The following PCDHGA9 variants were observed in gnomAD, a reference collection of about 807,000 sequenced individuals.
The protein encoded by PCDHGA9 is protocadherin gamma-A9.
Under a neutral mutation model 62.5 loss-of-function variants are expected in PCDHGA9, and 37 were observed. The ratio of observed to expected loss-of-function variants is 0.59; its 90% CI spans 0.46 to 0.78. The LOEUF is 0.78. Among genes scored for constraint, PCDHGA9 ranks in the 30% least tolerant of loss-of-function variants. The pLI is 0.00. For missense variants in PCDHGA9, 1,138 were observed against 1,166.2 expected, an observed-to-expected ratio of 0.98 and a Z score of 0.35; for synonymous variants, 459 against 484.6, an observed-to-expected ratio of 0.95 and a Z score of 0.69.
At chr5:141,479,671 G>A (rs1484965995) in intron 1 of PCDHGA9, 1 of 152,196 alleles carries the variant, frequency 6.6e-6, no homozygotes, top group Non-Finnish European at 1.5e-5. Flanking sequence ...AACTACAAAA[G>A]GAGAGTCTTT....
At chr5:141,462,387 A>G (rs781355919) in intron 1 of PCDHGA9, among the ~76,000 whole-genome samples, 13 of 152,178 alleles carry the variant, frequency 8.5e-5, no homozygotes, top group Non-Finnish European at 1.3e-4. Context: ...AAATTCGTTA[A>G]CATTTCTTTT....
chr5:141,407,123 C>T (rs1271155338), intron 1 of PCDHGA9, among the ~76,000 whole-genome samples: 2 of 152,078 alleles, frequency 1.3e-5, no homozygotes, highest in East Asian at 3.8e-4. Context: ...GTTTCAGTTG[C>T]TTTATTTTTA....
rs1480686339 is a variant in PCDHGA9, at chr5:141,415,643, A to G, written c.2424+10267A>G. ...TTTATTTTCATTTTTACTTTTGTTA[A>G]AAAAAAAAAGATTGGTTTTTACTTT... is the stretch of plus-strand genomic sequence containing the variant. On this transcript the variant is annotated intron_variant, in intron 1 of 3. Transcript: ENST00000573521. The G allele has an allele frequency of 5.1e-6, 8 of 1,571,752 alleles. No individual in the cohort carries two copies. In the South Asian group the frequency reaches 9.1e-5, roughly 18 times the overall value.
intron 1 of PCDHGA9, chr5:141,418,451 A>AG (rs2096259161): frequency 3.1e-6 from 5 of 1,614,046 alleles, no homozygotes; most frequent in Non-Finnish European, 4.2e-6. Context: ...AGTATTGCAG[A>AG]AGACTCTGGA....
chr5:141,505,277 G>A, intron 2 of PCDHGA9, 116 bp from the exon 3 acceptor site: 1 of 1,539,958 alleles, frequency 6.5e-7, no homozygotes, highest in African/African-American at 1.4e-5. Context: ...AGAGAAACAG[G>A]TCTTGGGCAT....
intron 1 of PCDHGA9, among the ~76,000 whole-genome samples, chr5:141,467,854 T>C (rs1337373000): frequency 6.6e-6 from 1 of 151,968 alleles, no homozygotes; most frequent in Admixed American, 6.6e-5. Flanking sequence ...GAATGAGATT[T>C]CACCATGTTG....
chr5:141,418,883 G>A (rs376245268), intron 1 of PCDHGA9: 5 of 1,613,960 alleles, frequency 3.1e-6, no homozygotes, highest in East Asian at 2.2e-5. Flanking sequence ...AGACGAAAAC[G>A]ACAACAGCCC....
chr5:141,477,775 G>T lies in PCDHGA9; in HGVS notation c.2425-17032G>T. 2 of 1,614,046 alleles carry T rather than the reference G, an allele frequency of 1.2e-6. No individual in the cohort carries two copies. The highest frequency in any genetic ancestry group is 2.7e-5 in the African/African-American group (2 of 75,052). On this transcript the variant is annotated intron_variant, in intron 1 of 3. Transcript: ENST00000573521. The surrounding 1 kb of genome is among the most constrained non-coding windows in gnomAD (Gnocchi z 4.9). ...CGGTCCTAGCCACCAACATCAGCGT[G>T]AACATATTTGTCACTGATCGCAATG...
At chr5:141,418,433 C>G (rs761824602) in intron 1 of PCDHGA9, 44 of 1,613,938 alleles carry the variant, frequency 2.7e-5, no homozygotes, top group Non-Finnish European at 3.7e-5. Flanking sequence ...TGGCAAATAT[C>G]CAGAATTAGT....
rs142172414 is a variant in PCDHGA9, at chr5:141,477,145, G to A, written c.2425-17662G>A. On this transcript the variant is annotated intron_variant, in intron 1 of 3. Coordinates refer to ENST00000573521, the MANE Select transcript of PCDHGA9 (RefSeq NM_018921.3). The surrounding 1 kb of genome is among the most constrained non-coding windows in gnomAD (Gnocchi z 4.9). ...ATTGCAAAGTGTTGGTGGAGGTTGT[G>A]GATGTGAATGACAACGCCCCGGAGA... The A allele has an allele frequency of 3.7e-6, 6 of 1,614,054 alleles. No homozygotes were observed. The African/African-American group carries it at 8.0e-5, about 22-fold the overall frequency.
In PCDHGA9 at chr5:141,489,098, T is replaced by C; in HGVS notation, c.2425-5709T>C. 1 of 293,346 alleles carries C rather than the reference T, an allele frequency of 3.4e-6. No homozygotes were observed. The highest frequency in any genetic ancestry group is 5.5e-5 in the South Asian group (1 of 18,124). The allele number at this position is 293,346 out of a possible 1,614,324, so 18.2% of individuals were successfully genotyped here. A position where few individuals can be genotyped will look rare whatever the true frequency, so the allele number is the denominator to read the frequency against. ...CCCCCGCCACTCGGTGACTAAGAAC[T>C]GCTGCAAGCAGGCAAACCTCCGAGC... On this transcript the variant is annotated intron_variant, in intron 1 of 3. Transcript: ENST00000573521. The surrounding 1 kb of genome is among the most constrained non-coding windows in gnomAD (Gnocchi z 4.5).
rs778744503 is a variant in PCDHGA9, at chr5:141,511,152, G to C, written c.2778G>C (p.Ser926=). 2 of 1,614,140 alleles carry C rather than the reference G, an allele frequency of 1.2e-6. No individual in the cohort carries two copies. Among genetic ancestry groups the C allele is most frequent in the South Asian group, 2.2e-5 (2 of 91,086 alleles). The change falls in exon 4 of 4, where the codon TCG becomes TCC. Residue 926 remains serine, a synonymous_variant. Coordinates refer to ENST00000573521, the MANE Select transcript of PCDHGA9 (RefSeq NM_018921.3). ...PAGGNGNKKK[S]GKKEKK ...GTGGCAATGGCAACAAGAAGAAGTC[G>C]GGCAAGAAGGAGAAGAAGTAACATG...
At position 141,423,722 on chromosome 5, in the gene PCDHGA9, G is replaced by A. The variant is rs541297269; in HGVS notation, c.2424+18346G>A. Reference sequence around the variant, plus strand: ...CTTGGCACAAGTCTTTTAAGGAGATGTTTTTTGAGCCTGTTATGAAAACTG... The same window carrying A: ...CTTGGCACAAGTCTTTTAAGGAGATATTTTTTGAGCCTGTTATGAAAACTG... On this transcript the variant is annotated intron_variant, in intron 1 of 3. Coordinates refer to ENST00000573521, the MANE Select transcript of PCDHGA9 (RefSeq NM_018921.3). 5 of 954,184 alleles carry A rather than the reference G, an allele frequency of 5.2e-6. No individual in the cohort carries two copies. In the African/African-American group the frequency reaches 6.3e-5, roughly 12 times the overall value. The allele number at this position is 954,184 out of a possible 1,614,324, so 59.1% of individuals were successfully genotyped here.
At chr5:141,459,149 T>C (rs2098961903) in intron 1 of PCDHGA9, among the ~76,000 whole-genome samples, 1 of 152,234 alleles carries the variant, frequency 6.6e-6, no homozygotes, top group Non-Finnish European at 1.5e-5. Context: ...AATCAAAATA[T>C]AGAACATTTC....
At chr5:141,413,822 T>G in intron 1 of PCDHGA9, 1 of 1,613,216 alleles carries the variant, frequency 6.2e-7, no homozygotes, top group Non-Finnish European at 8.5e-7. Context: ...CACCTGGTCC[T>G]CACCGCCTCC....
chr5:141,404,407 T>C lies in PCDHGA9; in HGVS notation c.1455T>C (p.Ser485=). 1 of 1,613,944 alleles carries C rather than the reference T, an allele frequency of 6.2e-7. No individual in the cohort carries two copies. Among genetic ancestry groups the C allele is most frequent in the East Asian group, 2.2e-5 (1 of 44,886 alleles). Residue 485 remains serine, a synonymous_variant, in exon 1 of 4, where the codon TCT becomes TCC. Transcript: ENST00000573521. The stretch of plus-strand genomic sequence containing the variant: ...ATGACCCTGATAGCAATGAGAATTC[T>C]AGAGTTATTTACTCCTTGGCAGAGG... The part of the protein sequence containing the change: ...IAYDPDSNEN[S]RVIYSLAEDT...
intron 1 of PCDHGA9, chr5:141,409,876 C>A: frequency 6.2e-7 from 1 of 1,612,874 alleles, no homozygotes. Flanking sequence ...GCAATGACAA[C>A]GCACCGCGGG....
chr5:141,497,385 C>T (rs2154592097), intron 2 of PCDHGA9, among the ~76,000 whole-genome samples: 1 of 152,212 alleles, frequency 6.6e-6, no homozygotes, highest in African/African-American at 2.4e-5. Flanking sequence ...GGGGTGAGCA[C>T]CTTACCCCTG....
intron 1 of PCDHGA9, among the ~76,000 whole-genome samples, chr5:141,452,271 C>A (rs1592214421): frequency 6.6e-6 from 1 of 152,108 alleles, no homozygotes. Flanking sequence ...TTTCTTGAAC[C>A]CTTTCTTACT....
Sources: gnomAD v4.1 joint callset for allele counts (sites outside exome capture counted in the v4.1 genomes callset) on GRCh38, gnomAD v4.1.1 for gene constraint, Gnocchi (gnomAD v3.1) non-coding constraint, MANE v1.5 for transcripts, NCBI Gene and HGNC (gene_info 2026-07-23, HGNC 2026-07-21) for gene names.